The following HERPUD2 variants were observed in gnomAD, a reference collection of about 807,000 sequenced individuals.
HERPUD2 encodes the protein HERPUD family member 2, also known as homocysteine-responsive endoplasmic reticulum-resident ubiquitin-like domain member 2 protein.
HERPUD2 carries 13 observed loss-of-function variants against 49.9 expected under a neutral mutation model. The ratio of observed to expected loss-of-function variants is 0.26; its 90% CI spans 0.17 to 0.41. HERPUD2 has a LOEUF of 0.41. HERPUD2 is among the 10% of genes least tolerant of loss of function. The pLI, the probability that HERPUD2 is intolerant of heterozygous loss-of-function variation, is 1.00. For missense variants in HERPUD2, 449 were observed against 492.2 expected, an observed-to-expected ratio of 0.91 and a Z score of 0.83; for synonymous variants, 172 against 171.4, an observed-to-expected ratio of 1.00 and a Z score of -0.03.
chr7:35,693,830 G>A (rs1786248386), intron 2 of HERPUD2, among the ~76,000 whole-genome samples: 1 of 152,132 alleles, frequency 6.6e-6, no homozygotes, highest in Non-Finnish European at 1.5e-5. Context: ...TAGACATAGG[G>A]TTTCACCATG....
At chr7:35,644,152 CTT>C (rs1231973008) in intron 5 of HERPUD2, among the ~76,000 whole-genome samples, 1 of 151,856 alleles carries the variant, frequency 6.6e-6, no homozygotes, top group African/African-American at 2.4e-5. Context: ...TGTGAAAACT[CTT>C]TAACTTTTAA....
chr7:35,691,846 C>T (rs1387353563), intron 2 of HERPUD2, among the ~76,000 whole-genome samples: 1 of 152,142 alleles, frequency 6.6e-6, no homozygotes, highest in Non-Finnish European at 1.5e-5. Context: ...CATTAAACTG[C>T]TGCTCAACAA....
At chr7:35,658,152 G>A (rs1785322869) in intron 5 of HERPUD2, among the ~76,000 whole-genome samples, 1 of 152,300 alleles carries the variant, frequency 6.6e-6, no homozygotes, top group South Asian at 2.1e-4. Context: ...CACCGTAAAA[G>A]AGGATGAAAT....
At chr7:35,676,235 G>A (rs562015873) in intron 2 of HERPUD2, among the ~76,000 whole-genome samples, 49 of 152,204 alleles carry the variant, frequency 3.2e-4, no homozygotes, top group South Asian at 2.1e-4. Context: ...AAATTGTCTC[G>A]TAGAACTTTC....
chr7:35,638,760 T>TTTGGC (rs1784916055), intron 5 of HERPUD2, among the ~76,000 whole-genome samples: 1 of 152,202 alleles, frequency 6.6e-6, no homozygotes, highest in Non-Finnish European at 1.5e-5. Flanking sequence ...TATCTTCCCA[T>TTTGGC]TTCATTACAT....
chr7:35,674,400 TATATAG>T (rs1785708946), intron 2 of HERPUD2, among the ~76,000 whole-genome samples: 1 of 60,200 alleles, frequency 1.7e-5, no homozygotes, highest in East Asian at 4.9e-4. Context: ...TATATATATA[TATATAG>T]AGAGAGAGAG....
chr7:35,662,303 G>A (rs1461332021), intron 5 of HERPUD2, among the ~76,000 whole-genome samples: 3 of 152,082 alleles, frequency 2.0e-5, no homozygotes, highest in Non-Finnish European at 2.9e-5. Context: ...TTTTTACATC[G>A]ATGTTCATCG....
intron 2 of HERPUD2, among the ~76,000 whole-genome samples, chr7:35,682,454 C>T (rs1235599010): frequency 2.7e-5 from 4 of 148,258 alleles, no homozygotes; most frequent in Admixed American, 2.7e-4. Context: ...CCACAGCCAA[C>T]ATAATACTGA....
intron 2 of HERPUD2, among the ~76,000 whole-genome samples, chr7:35,682,302 T>A (rs144278751): frequency 0.091 from 4,166 of 45,584 alleles, 626 homozygotes; most frequent in East Asian, 0.29. Flanking sequence ...TGTGTGTGTA[T>A]ATATAGATAT....
chr7:35,653,225 A>T (rs1313398208), intron 5 of HERPUD2, among the ~76,000 whole-genome samples: 1 of 152,238 alleles, frequency 6.6e-6, no homozygotes. Flanking sequence ...AAAGTAAGGG[A>T]TGGAAAAAGA....
At chr7:35,662,043 C>G (rs921651099) in intron 5 of HERPUD2, among the ~76,000 whole-genome samples, 1 of 152,132 alleles carries the variant, frequency 6.6e-6, no homozygotes, top group Non-Finnish European at 1.5e-5. Flanking sequence ...TTTTGAGATA[C>G]GTCCCATCAA....
Position 35,695,126 on chromosome 7 carries a change from T to G in HERPUD2, c.-623A>C, listed in dbSNP as rs1322010847. On this transcript the variant is annotated 5_prime_UTR_variant, in exon 1 of 9. Coordinates refer to ENST00000311350, the MANE Select transcript of HERPUD2 (RefSeq NM_022373.5). Reference sequence around the variant, plus strand: ...CGTTGCGCCACCGCTGGCGCGCCGGTTTTGTTGTTATTGCGAGGATTGTCT... The same window carrying G: ...CGTTGCGCCACCGCTGGCGCGCCGGGTTTGTTGTTATTGCGAGGATTGTCT... 1 of 152,002 alleles carries G rather than the reference T, an allele frequency of 6.6e-6. No individual in the cohort carries two copies. The highest frequency in any genetic ancestry group is 1.5e-5 in the Non-Finnish European group (1 of 68,056). The allele number at this position is 152,002 out of a possible 1,614,324, so 9.4% of individuals were successfully genotyped here.
Position 35,670,252 on chromosome 7 carries a change from C to G in HERPUD2, c.302G>C (p.Arg101Thr). ...GGATGCCAATGCTTCATGACTTTCTCTATTGGTGCTGGATTTTGGAGAACT... is the reference window on the plus strand; with the variant it reads ...GGATGCCAATGCTTCATGACTTTCTGTATTGGTGCTGGATTTTGGAGAACT... ...PPSSPKSSTNRESHEALASSS... is the reference protein window; with the variant it reads ...PPSSPKSSTNTESHEALASSS... Residue 101 changes from arginine (R) to threonine (T), a missense_variant, in exon 4 of 9, where the codon AGA becomes ACA. Transcript: ENST00000311350. 1 of 1,587,088 alleles carries G rather than the reference C, an allele frequency of 6.3e-7. No individual in the cohort carries two copies. The highest frequency in any genetic ancestry group is 8.6e-7 in the Non-Finnish European group (1 of 1,163,688).
At position 35,694,803 on chromosome 7, in the gene HERPUD2, G is replaced by C. The variant is rs1213693142; in HGVS notation, c.-300C>G. 6.5e-6 allele frequency: 1 copy of C among 153,480 alleles called. No individual in the cohort carries two copies. Among genetic ancestry groups the C allele is most frequent in the African/African-American group, 2.4e-5 (1 of 41,488 alleles). The allele number at this position is 153,480 out of a possible 1,614,324, so 9.5% of individuals were successfully genotyped here. Reference sequence around the variant, plus strand: ...GCGGTCAGCGGGCACTGGGGTACCTGAGAGAAGGCCGCGGGGCCCGCCACC... The same window carrying C: ...GCGGTCAGCGGGCACTGGGGTACCTCAGAGAAGGCCGCGGGGCCCGCCACC... On this transcript the variant is annotated splice_region_variant and 5_prime_UTR_variant, in exon 1 of 9. Transcript: ENST00000311350.
At chr7:35,665,616 G>GGA (rs1562678819) in intron 5 of HERPUD2, among the ~76,000 whole-genome samples, 1 of 152,172 alleles carries the variant, frequency 6.6e-6, no homozygotes, top group Non-Finnish European at 1.5e-5. Flanking sequence ...TATTTGTCTG[G>GGA]CAAGCCCCAG....
intron 5 of HERPUD2, among the ~76,000 whole-genome samples, chr7:35,654,643 G>A (rs1384003994): frequency 2.0e-5 from 3 of 148,350 alleles, no homozygotes; most frequent in Non-Finnish European, 4.5e-5. Flanking sequence ...GTCCAGGATT[G>A]GATGGCTTCG....
Position 35,694,087 on chromosome 7 carries a change from T to C in HERPUD2, c.147+97A>G, listed in dbSNP as rs147073569. ...TCGCGGTCTACCAAAAGAGACCTAT[T>C]TGATTCAAGACTGGAGGGGAGAAGC... On this transcript the variant is annotated intron_variant, in intron 2 of 8. Transcript: ENST00000311350. 1,797 of 1,315,652 alleles carry C rather than the reference T, an allele frequency of 1.4e-3. 16 individuals carry two copies. The African/African-American group carries it at 0.023, about 17-fold the overall frequency. The allele number at this position is 1,315,652 out of a possible 1,614,324, so 81.5% of individuals were successfully genotyped here.
intron 2 of HERPUD2, among the ~76,000 whole-genome samples, chr7:35,689,706 G>C (rs543309571): frequency 2.6e-5 from 4 of 152,306 alleles, no homozygotes; most frequent in East Asian, 1.9e-4. Flanking sequence ...CTGCTTAACT[G>C]ATCAGGAGAG....
chr7:35,676,983 G>A (rs557044278), intron 2 of HERPUD2, among the ~76,000 whole-genome samples: 1 of 152,258 alleles, frequency 6.6e-6, no homozygotes, highest in South Asian at 2.1e-4. Flanking sequence ...TCTTGTAACT[G>A]TGTCATCATC....
Sources: allele counts gnomAD v4.1 joint callset (sites outside exome capture counted in the v4.1 genomes callset), GRCh38; gene constraint gnomAD v4.1.1; transcripts MANE v1.5; gene names NCBI Gene and HGNC (gene_info 2026-07-23, HGNC 2026-07-21).